PLCB1: variants seen among roughly 807,000 people sequenced by gnomAD.
PLCB1 encodes 1-phosphatidylinositol 4,5-bisphosphate phosphodiesterase beta-1.
A neutral mutation model predicts 161.8 loss-of-function variants in PLCB1; 46 were observed. The ratio of observed to expected loss-of-function variants is 0.28; its 90% CI spans 0.22 to 0.36. PLCB1 has a LOEUF of 0.36. Ranked by LOEUF, PLCB1 falls within the 10% of genes least tolerant of loss-of-function variation. PLCB1 has a pLI of 1.00. For synonymous variants in PLCB1, 517 were observed against 503.7 expected (o/e 1.03, Z -0.35); for missense variants, 1,016 against 1,472.5 (o/e 0.69, Z 5.07).
rs186083946 is a variant in PLCB1 at position 8,612,867 on chromosome 20, A to G, written c.247-15427A>G. Reference sequence around the variant, plus strand: ...GACATTTTCTGAGACAATCTGAAGAAAGTCACCATCTGTTAATGACTTTTC... The same window carrying G: ...GACATTTTCTGAGACAATCTGAAGAGAGTCACCATCTGTTAATGACTTTTC... On this transcript the variant is annotated intron_variant, in intron 3 of 31. Coordinates refer to ENST00000338037, the MANE Select transcript of PLCB1 (RefSeq NM_015192.4). Among the ~76,000 whole-genome samples, 796 of 152,298 alleles carry G rather than the reference A, an allele frequency of 5.2e-3. 10 individuals are homozygous for G. The highest frequency in any genetic ancestry group is 0.016 in the African/African-American group (656 of 41,554).
At chr20:8,583,671 A>ATACC (rs1986902114) in intron 3 of PLCB1, among the ~76,000 whole-genome samples, 1 of 152,220 alleles carries the variant, frequency 6.6e-6, no homozygotes, top group South Asian at 2.1e-4. Flanking sequence ...TTCCTGCTGC[A>ATACC]TACCTACAAG....
intron 31 of PLCB1, among the ~76,000 whole-genome samples, chr20:8,872,567 T>C (rs940898069): frequency 1.3e-5 from 2 of 152,336 alleles, no homozygotes; most frequent in South Asian, 4.1e-4. Context: ...CATTCTGAAT[T>C]TGCTATGCCT....
chr20:8,720,609 A>G (rs1979571268), intron 14 of PLCB1, among the ~76,000 whole-genome samples: 2 of 152,166 alleles, frequency 1.3e-5, no homozygotes, highest in African/African-American at 4.8e-5. Flanking sequence ...GTAACCTAAG[A>G]TATTTTTTAT....
At chr20:8,349,392 G>C (rs1462623970) in intron 2 of PLCB1, among the ~76,000 whole-genome samples, 1 of 152,080 alleles carries the variant, frequency 6.6e-6, no homozygotes, top group Non-Finnish European at 1.5e-5. Flanking sequence ...TATTTTATCT[G>C]GTCTTAATGA....
intron 3 of PLCB1, among the ~76,000 whole-genome samples, chr20:8,460,246 C>A (rs1981516668): frequency 6.6e-6 from 1 of 152,162 alleles, no homozygotes; most frequent in Admixed American, 6.5e-5. Flanking sequence ...TCCAGTATCA[C>A]TCTAAAGGGA....
At chr20:8,776,577 G>C (rs752012479) in intron 27 of PLCB1, among the ~76,000 whole-genome samples, 1 of 152,100 alleles carries the variant, frequency 6.6e-6, no homozygotes, top group Non-Finnish European at 1.5e-5. Flanking sequence ...AATGGTTTTT[G>C]TATATTCATA....
Position 8,827,644 on chromosome 20 carries a change from T to A in PLCB1, c.3423+37383T>A, listed in dbSNP as rs529965249. Among the ~76,000 whole-genome samples, 30 of 152,346 alleles carry A rather than the reference T, an allele frequency of 2.0e-4. No homozygotes were observed. In the South Asian group the frequency reaches 4.6e-3, roughly 23 times the overall value. ...GCTGTGGTATTGGACAGTGCCAATA[T>A]GCAACTTTTCCACAATTACGGACAG... On this transcript the variant is annotated intron_variant, in intron 31 of 31. Transcript: ENST00000338037.
At chr20:8,538,603 G>T (rs181401028) in intron 3 of PLCB1, among the ~76,000 whole-genome samples, 1 of 152,146 alleles carries the variant, frequency 6.6e-6, no homozygotes, top group Non-Finnish European at 1.5e-5. Context: ...CCTGCCTTGG[G>T]CTACTAAAGT....
At chr20:8,811,183 T>C (rs995577204) in intron 31 of PLCB1, among the ~76,000 whole-genome samples, 4 of 152,282 alleles carry the variant, frequency 2.6e-5, no homozygotes, top group African/African-American at 9.6e-5. Flanking sequence ...GAGGTCATTA[T>C]TGGCCTTGAT....
intron 26 of PLCB1, among the ~76,000 whole-genome samples, chr20:8,766,197 A>G (rs1215150374): frequency 6.6e-6 from 1 of 152,124 alleles, no homozygotes; most frequent in Admixed American, 6.5e-5. Flanking sequence ...GACCTACCCA[A>G]TCATCTCAAA....
At chr20:8,812,085 ACTT>A (rs1984851336) in intron 31 of PLCB1, among the ~76,000 whole-genome samples, 1 of 152,114 alleles carries the variant, frequency 6.6e-6, no homozygotes, top group Admixed American at 6.6e-5. Context: ...AATTCCTTTA[ACTT>A]CTTCTAACAT....
intron 3 of PLCB1, among the ~76,000 whole-genome samples, chr20:8,574,001 A>T (rs930534091): frequency 7.9e-5 from 12 of 152,252 alleles, no homozygotes; most frequent in African/African-American, 2.2e-4. Context: ...CTTTGTTTTT[A>T]AAGACTACTT....
At chr20:8,570,886 C>G (rs555922711) in intron 3 of PLCB1, among the ~76,000 whole-genome samples, 72 of 152,178 alleles carry the variant, frequency 4.7e-4, no homozygotes, top group Admixed American at 6.5e-4. Context: ...AAAAGAAGAG[C>G]CATCCAGGCA....
chr20:8,861,048 A>G (rs188383167), intron 31 of PLCB1, among the ~76,000 whole-genome samples: 22 of 152,334 alleles, frequency 1.4e-4, no homozygotes, highest in Non-Finnish European at 3.1e-4. Context: ...GGGTAGTGGA[A>G]GAAGAAGGTG....
chr20:8,749,606 G>A (rs538365478), intron 23 of PLCB1, among the ~76,000 whole-genome samples: 2 of 152,228 alleles, frequency 1.3e-5, no homozygotes, highest in East Asian at 3.9e-4. Flanking sequence ...TTTGTAAACT[G>A]TATCAAAACA....
chr20:8,450,382 AT>A lies in PLCB1; in HGVS notation c.246+78943del, dbSNP rs541752568. ...AAGCCATCACATAAATTTTTCTTTC[AT>A]TTTTTTTTTTGTCAGTCTCTGAAAT... On this transcript the variant is annotated intron_variant, in intron 3 of 31. Transcript: ENST00000338037. 5.9e-3 allele frequency among the ~76,000 whole-genome samples: 860 copies of A among 145,756 alleles called. 1 individual carries two copies. The highest frequency in any genetic ancestry group is 0.01 in the South Asian group (48 of 4,642).
At chr20:8,184,188 G>T (rs186716519) in intron 2 of PLCB1, among the ~76,000 whole-genome samples, 3 of 152,044 alleles carry the variant, frequency 2.0e-5, no homozygotes, top group Non-Finnish European at 1.5e-5. Context: ...TGCATAAATA[G>T]GAGTGCTTTT....
intron 3 of PLCB1, among the ~76,000 whole-genome samples, chr20:8,477,760 G>T (rs1982341208): frequency 6.6e-6 from 1 of 152,178 alleles, no homozygotes; most frequent in African/African-American, 2.4e-5. Context: ...AACTAATTGT[G>T]CAAGAACTCA....
At chr20:8,838,804 G>T (rs1986389192) in intron 31 of PLCB1, among the ~76,000 whole-genome samples, 1 of 152,164 alleles carries the variant, frequency 6.6e-6, no homozygotes, top group South Asian at 2.1e-4. Flanking sequence ...GTTTAACCAG[G>T]TGGTGACTCC....
Sources: allele counts gnomAD v4.1 joint callset (sites outside exome capture counted in the v4.1 genomes callset), GRCh38; gene constraint gnomAD v4.1.1; transcripts MANE v1.5; gene names NCBI Gene and HGNC (gene_info 2026-07-23, HGNC 2026-07-21).